IL1RAPL1: variants seen among roughly 807,000 people sequenced by gnomAD.
IL1RAPL1 encodes interleukin-1 receptor accessory protein-like 1.
IL1RAPL1 carries 3 observed loss-of-function variants against 48.4 expected under a neutral mutation model. The observed-to-expected ratio is 0.06, with a 90% CI of 0.03 to 0.16. The LOEUF is 0.16. IL1RAPL1 is among the 10% of genes least tolerant of loss of function. IL1RAPL1 has a pLI of 1.00. For missense variants in IL1RAPL1, 349 were observed against 530.6 expected, an observed-to-expected ratio of 0.66 and a Z score of 3.36; for synonymous variants, 185 against 187.7, an observed-to-expected ratio of 0.99 and a Z score of 0.12.
chrX:29,695,300 T>C (rs906052386), intron 6 of IL1RAPL1, among the ~76,000 whole-genome samples: 2 of 111,646 alleles, frequency 1.8e-5, no homozygotes, highest in African/African-American at 6.5e-5. Flanking sequence ...AGAAGTATGA[T>C]GGTAAGACTC....
chrX:29,063,527 G>A, intron 2 of IL1RAPL1, among the ~76,000 whole-genome samples: 1 of 111,102 alleles, frequency 9.0e-6, no homozygotes, highest in Non-Finnish European at 1.9e-5. Flanking sequence ...AATGAAAGCA[G>A]GAAGAGACAA....
At chrX:29,347,906 A>G (rs572087895) in intron 3 of IL1RAPL1, among the ~76,000 whole-genome samples, 8 of 111,788 alleles carry the variant, frequency 7.2e-5, no homozygotes, top group African/African-American at 2.3e-4. Flanking sequence ...GGTAGCATGT[A>G]CAGTGAGGAC....
intron 2 of IL1RAPL1, among the ~76,000 whole-genome samples, chrX:29,137,258 T>TCACA (rs113222106): frequency 0.14 from 14,477 of 100,107 alleles, 1,067 homozygotes; most frequent in East Asian, 0.47. Flanking sequence ...ACACTTGCGC[T>TCACA]CACACACACA....
At chrX:29,950,685 CTTTTT>C (rs67089905) in intron 9 of IL1RAPL1, among the ~76,000 whole-genome samples, 1 of 74,018 alleles carries the variant, frequency 1.4e-5, no homozygotes, top group South Asian at 7.0e-4. Flanking sequence ...TTTTTTTTTT[CTTTTT>C]TTTTGAGACA....
At chrX:29,325,717 G>A (rs901960563) in intron 3 of IL1RAPL1, among the ~76,000 whole-genome samples, 4 of 111,876 alleles carry the variant, frequency 3.6e-5, no homozygotes. Flanking sequence ...ACCTGAGGCT[G>A]GATAATTTAT....
At chrX:28,884,714 G>T (rs1922588190) in intron 2 of IL1RAPL1, among the ~76,000 whole-genome samples, 1 of 111,562 alleles carries the variant, frequency 9.0e-6, no homozygotes, top group Non-Finnish European at 1.9e-5. Flanking sequence ...TTTCATCTAG[G>T]TTTGTATGAC....
At chrX:29,214,290 A>G (rs2069627661) in intron 2 of IL1RAPL1, among the ~76,000 whole-genome samples, 1 of 111,501 alleles carries the variant, frequency 9.0e-6, no homozygotes, top group Middle Eastern at 4.6e-3. Flanking sequence ...TTATGTCAAT[A>G]CATGTGATAA....
chrX:29,625,805 G>A (rs1444363304), intron 5 of IL1RAPL1, among the ~76,000 whole-genome samples: 1 of 111,977 alleles, frequency 8.9e-6, no homozygotes, highest in Non-Finnish European at 1.9e-5. Context: ...TTATCTCTGT[G>A]ATGATCCTTC....
intron 5 of IL1RAPL1, among the ~76,000 whole-genome samples, chrX:29,655,932 T>G (rs1011792209): frequency 1.7e-4 from 19 of 112,267 alleles, no homozygotes; most frequent in African/African-American, 5.8e-4. Context: ...TGCTTACTTG[T>G]GATCTTATAT....
At chrX:29,812,288 G>T (rs1021111877) in intron 6 of IL1RAPL1, among the ~76,000 whole-genome samples, 1 of 111,913 alleles carries the variant, frequency 8.9e-6, no homozygotes, top group African/African-American at 3.2e-5. Flanking sequence ...TAGAGTTGTG[G>T]ATAATTTTTA....
intron 2 of IL1RAPL1, among the ~76,000 whole-genome samples, chrX:29,024,283 T>C (rs1346335626): frequency 8.9e-6 from 1 of 111,807 alleles, no homozygotes; most frequent in Non-Finnish European, 1.9e-5. Context: ...ACTTAAGTTA[T>C]TTAAGTACCC....
chrX:29,950,981 C>G (rs1933307629), intron 9 of IL1RAPL1, among the ~76,000 whole-genome samples: 1 of 111,256 alleles, frequency 9.0e-6, no homozygotes, highest in Admixed American at 9.5e-5. Context: ...CCTGGCCAAC[C>G]CTAATGTCTT....
chrX:28,962,945 T>C (rs1312684192), intron 2 of IL1RAPL1, among the ~76,000 whole-genome samples: 2 of 109,370 alleles, frequency 1.8e-5, no homozygotes, highest in East Asian at 5.7e-4. Context: ...CTTTATTAGC[T>C]ACTATCAAGT....
At chrX:29,465,973 A>G (rs1340604853) in intron 5 of IL1RAPL1, among the ~76,000 whole-genome samples, 1 of 112,512 alleles carries the variant, frequency 8.9e-6, no homozygotes, top group African/African-American at 3.2e-5. Context: ...TACTATTGGG[A>G]CACAGCTCAG....
chrX:29,553,594 G>A (rs1034463507), intron 5 of IL1RAPL1, among the ~76,000 whole-genome samples: 2 of 111,813 alleles, frequency 1.8e-5, no homozygotes, highest in African/African-American at 6.5e-5. Flanking sequence ...ACCAGAGGGA[G>A]CTGGAGTTGG....
intron 2 of IL1RAPL1, among the ~76,000 whole-genome samples, chrX:29,039,222 G>A (rs1322305662): frequency 9.0e-6 from 1 of 111,437 alleles, no homozygotes; most frequent in East Asian, 2.8e-4. Context: ...CAACTCACTG[G>A]TCAAGGAAGC....
At chrX:29,079,445 A>G (rs781107752) in intron 2 of IL1RAPL1, among the ~76,000 whole-genome samples, 2 of 110,666 alleles carry the variant, frequency 1.8e-5, no homozygotes, top group Non-Finnish European at 3.8e-5. Context: ...GGGGGACACC[A>G]TTCCCATTGT....
At chrX:28,615,199 GTTTTTTTTTTTTTTTT>G (rs778402885) in intron 1 of IL1RAPL1, among the ~76,000 whole-genome samples, 61 of 26,054 alleles carry the variant, frequency 2.3e-3, no homozygotes, top group Admixed American at 3.4e-3. Flanking sequence ...ACTGTTGTCT[GTTTTTTTTTTTTTTTT>G]TTTTTTTTTT....
chrX:29,073,571 C>T (rs1216474144), intron 2 of IL1RAPL1, among the ~76,000 whole-genome samples: 1 of 111,397 alleles, frequency 9.0e-6, no homozygotes, highest in Non-Finnish European at 1.9e-5. Context: ...TAAATTTGTT[C>T]CTTCCTCGTT....
Sources: allele counts gnomAD v4.1 joint callset (sites outside exome capture counted in the v4.1 genomes callset), GRCh38; gene constraint gnomAD v4.1.1; transcripts MANE v1.5; gene names NCBI Gene and HGNC (gene_info 2026-07-23, HGNC 2026-07-21).